The following MYOM2 variants were observed in gnomAD, a reference collection of about 807,000 sequenced individuals.
The protein encoded by MYOM2 is myomesin 2, also known as myomesin-2.
MYOM2 carries 254 observed loss-of-function variants against 187.6 expected under a neutral mutation model. The ratio of observed to expected loss-of-function variants is 1.35; its 90% confidence interval spans 1.22 to 1.50. The LOEUF is 1.50. MYOM2 is among the 40% of genes most tolerant of loss of function. The probability of loss-of-function intolerance (pLI) is 0.00; values close to 1 mark genes in which losing one functional copy is unlikely to be tolerated. For missense variants in MYOM2, 2,796 were observed against 1,924.0 expected, an observed-to-expected ratio of 1.45 and a Z score of -8.48; for synonymous variants, 981 against 753.8, an observed-to-expected ratio of 1.30 and a Z score of -4.94.
At chr8:2,048,561 C>T (rs1465436987) in intron 1 of MYOM2, among the ~76,000 whole-genome samples, 3 of 152,076 alleles carry the variant, frequency 2.0e-5, no homozygotes, top group Non-Finnish European at 4.4e-5. Flanking sequence ...ATTTCGGTAC[C>T]AGGGCCAGGG....
intron 28 of MYOM2, among the ~76,000 whole-genome samples, chr8:2,119,833 G>C (rs1409043164): frequency 6.6e-6 from 1 of 152,148 alleles, no homozygotes; most frequent in African/African-American, 2.4e-5. Context: ...AGCCATGCAA[G>C]GGGCTGCTTG....
intron 31 of MYOM2, chr8:2,127,964 G>C (rs1431625640): frequency 6.6e-6 from 1 of 152,144 alleles, no homozygotes; most frequent in East Asian, 1.9e-4. Flanking sequence ...TTCTATTTTG[G>C]TTTCTATTTC....
intron 9 of MYOM2, among the ~76,000 whole-genome samples, chr8:2,072,779 T>A (rs907915962): frequency 2.0e-5 from 3 of 152,184 alleles, no homozygotes; most frequent in Non-Finnish European, 4.4e-5. Context: ...TCTCGTGCCA[T>A]TTAGATTCAG....
chr8:2,128,784 G>A (rs1797746389), intron 31 of MYOM2, among the ~76,000 whole-genome samples: 1 of 152,114 alleles, frequency 6.6e-6, no homozygotes, highest in Non-Finnish European at 1.5e-5. Flanking sequence ...TTCAGCTTGG[G>A]GTTAACTCAC....
At chr8:2,069,208 T>C in intron 6 of MYOM2, 70 bp from the exon 7 acceptor site, 1 of 1,454,416 alleles carries the variant, frequency 6.9e-7, no homozygotes, top group Non-Finnish European at 9.5e-7. Flanking sequence ...AGGAATGCTT[T>C]TGTGCAATTC....
intron 14 of MYOM2, among the ~76,000 whole-genome samples, chr8:2,087,753 G>C (rs555179187): frequency 1.3e-5 from 2 of 152,116 alleles, no homozygotes; most frequent in African/African-American, 4.8e-5. Context: ...AGAGTAGCTG[G>C]GACCACAGGT....
intron 31 of MYOM2, among the ~76,000 whole-genome samples, chr8:2,128,585 C>G (rs1424586964): frequency 2.6e-5 from 4 of 152,170 alleles, no homozygotes. Context: ...CATTTTTATT[C>G]CAAGTACACT....
rs1011451873 is a variant in MYOM2, at chr8:2,144,732, G to C, written c.4149G>C (p.Gln1383His). 3.4e-5 allele frequency: 55 copies of C among 1,613,930 alleles called. No homozygotes were observed. The highest frequency in any genetic ancestry group is 4.4e-5 in the Non-Finnish European group (52 of 1,180,052). Residue 1383 changes from glutamine (Q) to histidine (H), a missense_variant, in exon 37 of 37, where the codon CAG (glutamine) becomes CAC (histidine). Gln to His is a conservative substitution (Grantham distance 24). Transcript: ENST00000262113. Reference protein sequence around the residue: ...DPEVIWFKNDQDIQLSEHFSV... With the variant: ...DPEVIWFKNDHDIQLSEHFSV... Reference sequence around the variant, plus strand: ...AAGTGATTTGGTTCAAGAACGACCAGGACATCCAGCTCAGCGAGCACTTCT... The same window carrying C: ...AAGTGATTTGGTTCAAGAACGACCACGACATCCAGCTCAGCGAGCACTTCT...
At chr8:2,059,865 C>T (rs1365113463) in intron 6 of MYOM2, among the ~76,000 whole-genome samples, 1 of 151,748 alleles carries the variant, frequency 6.6e-6, no homozygotes, top group Non-Finnish European at 1.5e-5. Context: ...GCCTCAGCCT[C>T]CCCAGTAGTG....
chr8:2,102,890 C>T (rs1796757283), intron 21 of MYOM2, 109 bp downstream of exon 21: 2 of 843,832 alleles, frequency 2.4e-6, no homozygotes, highest in South Asian at 1.6e-5. Flanking sequence ...GGAGAGTGAA[C>T]ACGTGTTATG....
At chr8:2,098,489 A>T (rs2116763878) in intron 18 of MYOM2, among the ~76,000 whole-genome samples, 1 of 152,242 alleles carries the variant, frequency 6.6e-6, no homozygotes, top group Non-Finnish European at 1.5e-5. Flanking sequence ...GCGTGGCCTG[A>T]GTGCCTGTTT....
rs780290840 is a variant in MYOM2 at position 2,050,760 on chromosome 8, C to T, written c.-7C>T. 25 of 1,601,924 alleles carry T rather than the reference C, an allele frequency of 1.6e-5. No homozygotes were observed. Among genetic ancestry groups the T allele is most frequent in the Middle Eastern group, 1.7e-4 (1 of 5,988 alleles). ...GTGTGTGACTCTCTTTGTAGGAGCACGCCAAGATGTCCCTTGTGACTGTCC... is the reference window on the plus strand; with the variant it reads ...GTGTGTGACTCTCTTTGTAGGAGCATGCCAAGATGTCCCTTGTGACTGTCC... On this transcript the variant is annotated 5_prime_UTR_variant, in exon 2 of 37. The change creates a new upstream start codon in the 5' untranslated region. Coordinates refer to ENST00000262113, the MANE Select transcript of MYOM2 (RefSeq NM_003970.4).
intron 10 of MYOM2, 78 bp downstream of exon 10, chr8:2,073,578 G>A (rs759236342): frequency 1.4e-4 from 202 of 1,470,804 alleles, no homozygotes; most frequent in Non-Finnish European, 1.6e-4. Context: ...GGAGGGAGGC[G>A]CTGGGAAAAG....
chr8:2,123,246 T>A lies in MYOM2; in HGVS notation c.3454-6T>A. On this transcript the variant is annotated splice_region_variant and splice_polypyrimidine_tract_variant and intron_variant, in intron 28 of 36. Coordinates refer to ENST00000262113, the MANE Select transcript of MYOM2 (RefSeq NM_003970.4). ...ACACACTAAACTTAAGCTTTCTACCTCACAGGTTGCAAACACCAAGAAAGA... is the reference window on the plus strand; with the variant it reads ...ACACACTAAACTTAAGCTTTCTACCACACAGGTTGCAAACACCAAGAAAGA... The A allele has an allele frequency of 6.3e-7, 1 of 1,597,342 alleles. No homozygotes were observed. The highest frequency in any genetic ancestry group is 2.2e-5 in the East Asian group (1 of 44,780).
intron 31 of MYOM2, among the ~76,000 whole-genome samples, chr8:2,125,297 T>A (rs543464342): frequency 6.6e-6 from 1 of 152,248 alleles, no homozygotes; most frequent in East Asian, 1.9e-4. Context: ...AATTTCACTC[T>A]TCTGCATGTG....
intron 14 of MYOM2, among the ~76,000 whole-genome samples, chr8:2,086,958 A>G (rs1189055016): frequency 6.6e-6 from 1 of 152,058 alleles, no homozygotes; most frequent in Non-Finnish European, 1.5e-5. Context: ...TCCTGAATGC[A>G]TACAAAGAAA....
chr8:2,124,077 C>A, intron 30 of MYOM2, 102 bp from the exon 31 acceptor site: 2 of 1,170,652 alleles, frequency 1.7e-6, no homozygotes, highest in Non-Finnish European at 1.2e-6. Flanking sequence ...CATTTTTCAA[C>A]TGAACATCAC....
intron 27 of MYOM2, among the ~76,000 whole-genome samples, chr8:2,117,378 A>C (rs1477506263): frequency 6.6e-6 from 1 of 152,242 alleles, no homozygotes; most frequent in Non-Finnish European, 1.5e-5. Flanking sequence ...ATTTTTTAAA[A>C]ACATATATAA....
chr8:2,122,251 T>G (rs548995076), intron 28 of MYOM2, among the ~76,000 whole-genome samples: 1 of 152,316 alleles, frequency 6.6e-6, no homozygotes, highest in South Asian at 2.1e-4. Flanking sequence ...TTCTAAGATT[T>G]GTTATAAAGG....
Sources: allele counts gnomAD v4.1 joint callset (sites outside exome capture counted in the v4.1 genomes callset), GRCh38; gene constraint gnomAD v4.1.1; transcripts MANE v1.5; gene names NCBI Gene and HGNC (gene_info 2026-07-23, HGNC 2026-07-21).